TENM1: variants seen among roughly 807,000 people sequenced by gnomAD.
The protein encoded by TENM1 is teneurin-1.
Under a neutral mutation model 174.8 loss-of-function variants are expected in TENM1, and 35 were observed. The observed-to-expected ratio is 0.20, with a 90% CI of 0.15 to 0.27. The LOEUF (loss-of-function observed/expected upper bound fraction) is 0.27, where lower values mean the gene tolerates loss of function less well. Ranked by LOEUF, TENM1 falls within the 10% of genes least tolerant of loss-of-function variation. TENM1 has a pLI of 1.00. For missense variants in TENM1, 1,633 were observed against 2,130.1 expected (o/e 0.77, Z 4.59); for synonymous variants, 781 against 798.7 (o/e 0.98, Z 0.37).
intron 23 of TENM1, among the ~76,000 whole-genome samples, chrX:124,450,715 C>T (rs938088727): frequency 4.5e-5 from 5 of 111,446 alleles, no homozygotes; most frequent in African/African-American, 1.6e-4. Context: ...GTTTAAGAAT[C>T]AGGTAGCAAT....
chrX:124,422,853 T>C (rs1377067578), intron 23 of TENM1, among the ~76,000 whole-genome samples: 1 of 112,178 alleles, frequency 8.9e-6, no homozygotes, highest in Non-Finnish European at 1.9e-5. Context: ...TACAATATAA[T>C]GTAATTTTTT....
chrX:124,626,222 T>G (rs2050633140), intron 11 of TENM1, among the ~76,000 whole-genome samples: 1 of 110,641 alleles, frequency 9.0e-6, no homozygotes, highest in African/African-American at 3.3e-5. Context: ...CATAATTCCA[T>G]TGAATGTATG....
intron 11 of TENM1, among the ~76,000 whole-genome samples, chrX:124,630,272 G>A (rs753637787): frequency 8.9e-6 from 1 of 112,158 alleles, no homozygotes; most frequent in South Asian, 3.7e-4. Flanking sequence ...GAGAAGTGTG[G>A]GAAGCTTGTT....
chrX:124,405,042 T>C, exon 27 of TENM1: 1 of 1,210,663 alleles, frequency 8.3e-7, no homozygotes, highest in Non-Finnish European at 1.1e-6. Flanking sequence ...CTCAGCCTCC[T>C]TTCAAAAGCC....
At chrX:124,502,614 A>T (rs2047357760) in intron 19 of TENM1, among the ~76,000 whole-genome samples, 1 of 56 alleles carries the variant, frequency 0.018, no homozygotes. Context: ...CCTTTTGACA[A>T]CAGAAAAAAG....
chrX:124,716,992 C>G (rs2053199631), intron 4 of TENM1, among the ~76,000 whole-genome samples: 1 of 110,935 alleles, frequency 9.0e-6, no homozygotes, highest in Middle Eastern at 4.7e-3. Flanking sequence ...GAGTCTCCTC[C>G]AAGCAAATTT....
chrX:125,187,513 A>G, the TENM1 span, among the ~76,000 whole-genome samples: 1 of 111,711 alleles, frequency 9.0e-6, no homozygotes, highest in East Asian at 2.8e-4. Flanking sequence ...AGTCTGGTTA[A>G]ATAAATCAAG....
intron 27 of TENM1, among the ~76,000 whole-genome samples, chrX:124,397,799 T>C (rs1038818879): frequency 6.5e-5 from 7 of 108,493 alleles, no homozygotes; most frequent in Non-Finnish European, 1.3e-4. Flanking sequence ...GGTTTCACCA[T>C]GTTGGCCAGC....
chrX:124,673,429 A>C (rs1281820015), intron 5 of TENM1, among the ~76,000 whole-genome samples: 1 of 111,971 alleles, frequency 8.9e-6, no homozygotes, highest in East Asian at 2.8e-4. Context: ...GATTAATTTG[A>C]GAGTGGGGAG....
intron 1 of TENM1, among the ~76,000 whole-genome samples, chrX:124,933,930 T>C (rs962385580): frequency 2.7e-5 from 3 of 112,086 alleles, no homozygotes; most frequent in Non-Finnish European, 5.6e-5. Flanking sequence ...CTAGACATTT[T>C]CACATTTTAT....
chrX:124,473,360 G>A (rs1485221463), intron 22 of TENM1, among the ~76,000 whole-genome samples: 2 of 111,588 alleles, frequency 1.8e-5, no homozygotes, highest in East Asian at 2.8e-4. Context: ...TGTGATCTCT[G>A]TCACTTTTTT....
At chrX:124,628,277 G>T (rs1187343531) in intron 11 of TENM1, among the ~76,000 whole-genome samples, 1 of 110,773 alleles carries the variant, frequency 9.0e-6, no homozygotes, top group Non-Finnish European at 1.9e-5. Context: ...GTTTAATTTG[G>T]AATATATATG....
the TENM1 span, among the ~76,000 whole-genome samples, chrX:125,118,804 C>G: frequency 3.6e-5 from 4 of 112,020 alleles, no homozygotes; most frequent in Non-Finnish European, 5.6e-5. Flanking sequence ...AAACCCTGTT[C>G]TGAGTGTTAA....
At chrX:125,019,468 T>C in the TENM1 span, among the ~76,000 whole-genome samples, 1 of 111,519 alleles carries the variant, frequency 9.0e-6, no homozygotes, top group African/African-American at 3.2e-5. Context: ...ATCATGAAAG[T>C]TGAGACTAAA....
intron 23 of TENM1, among the ~76,000 whole-genome samples, chrX:124,429,333 C>T (rs1478562561): frequency 9.0e-6 from 1 of 110,957 alleles, no homozygotes; most frequent in Non-Finnish European, 1.9e-5. Flanking sequence ...GAGTTTTGAC[C>T]ACGTGCCAGG....
At chrX:125,047,103 G>A in the TENM1 span, among the ~76,000 whole-genome samples, 1 of 110,910 alleles carries the variant, frequency 9.0e-6, no homozygotes. Context: ...AACTGACTTC[G>A]ATAAAATGTG....
At chrX:124,413,666 G>A (rs1277852802) in intron 25 of TENM1, among the ~76,000 whole-genome samples, 4 of 112,350 alleles carry the variant, frequency 3.6e-5, no homozygotes, top group African/African-American at 1.3e-4. Context: ...AGGGCATAAA[G>A]CACAAGGAGA....
intron 3 of TENM1, among the ~76,000 whole-genome samples, chrX:124,758,546 A>C (rs2054325327): frequency 8.9e-6 from 1 of 111,944 alleles, no homozygotes; most frequent in African/African-American, 3.2e-5. Context: ...GAATATATCC[A>C]AAAGAGTGGA....
At chrX:125,025,862 T>G in the TENM1 span, among the ~76,000 whole-genome samples, 2 of 111,328 alleles carry the variant, frequency 1.8e-5, no homozygotes, top group Admixed American at 1.9e-4. Context: ...TAAAAAAAAT[T>G]AGAATGTAAA....
Sources: gnomAD v4.1 joint callset for allele counts (sites outside exome capture counted in the v4.1 genomes callset) on GRCh38, gnomAD v4.1.1 for gene constraint, MANE v1.5 for transcripts, NCBI Gene and HGNC (gene_info 2026-07-23, HGNC 2026-07-21) for gene names.